COG3: variants seen among roughly 807,000 people sequenced by gnomAD.
COG3 encodes conserved oligomeric Golgi complex subunit 3.
COG3 carries 32 observed loss-of-function variants against 114.1 expected under a neutral mutation model. The ratio of observed to expected loss-of-function variants is 0.28; its 90% confidence interval spans 0.21 to 0.38. The LOEUF is 0.38. Ranked by LOEUF, COG3 falls within the 10% of genes least tolerant of loss-of-function variation. COG3 has a pLI of 1.00. For missense variants in COG3, 813 were observed against 973.2 expected (o/e 0.84, Z 2.19); for synonymous variants, 352 against 365.7 (o/e 0.96, Z 0.43).
chr13:45,524,007 A>T (rs545471165), intron 19 of COG3, among the ~76,000 whole-genome samples: 1 of 152,284 alleles, frequency 6.6e-6, no homozygotes, highest in Admixed American at 6.5e-5. Context: ...GATTTTATAC[A>T]GGTAGGCAGT....
At chr13:45,503,515 A>G (rs538348976) in intron 14 of COG3, among the ~76,000 whole-genome samples, 166 bp downstream of exon 14, 1 of 152,256 alleles carries the variant, frequency 6.6e-6, no homozygotes, top group East Asian at 1.9e-4. Context: ...GGTGAGTGAG[A>G]TGCTAATGGT....
At chr13:45,474,476 T>C (rs1393206423) in intron 1 of COG3, among the ~76,000 whole-genome samples, 1 of 152,142 alleles carries the variant, frequency 6.6e-6, no homozygotes, top group African/African-American at 2.4e-5. Context: ...TTTTTACTCC[T>C]TATAGTAACG....
At position 45,518,819 on chromosome 13, in the gene COG3, G is replaced by C; in HGVS notation, c.1988G>C (p.Ser663Thr). ...GTCCCAAGATTTTTTAGGCTGAATA[G>C]CAACAATGCCTTGATAGAGTTCTTG... Reference protein sequence around the residue: ...MTVPRFFRLNSNNALIEFLLE... With the variant: ...MTVPRFFRLNTNNALIEFLLE... Residue 663 changes from serine (S) to threonine (T), a missense_variant, in exon 18 of 23, where the codon AGC becomes ACC. Ser to Thr is a moderately conservative substitution (Grantham distance 58). Transcript: ENST00000349995. 6.2e-7 allele frequency: 1 copy of C among 1,614,044 alleles called. No homozygotes were observed. Among genetic ancestry groups the C allele is most frequent in the Non-Finnish European group, 8.5e-7 (1 of 1,179,938 alleles).
intron 19 of COG3, among the ~76,000 whole-genome samples, chr13:45,519,459 A>G (rs1264450352): frequency 6.6e-6 from 1 of 152,148 alleles, no homozygotes; most frequent in Non-Finnish European, 1.5e-5. Context: ...AGGGTTTCCT[A>G]TTCTTAAAAT....
chr13:45,475,872 G>C (rs1885825137), intron 1 of COG3, among the ~76,000 whole-genome samples: 1 of 151,852 alleles, frequency 6.6e-6, no homozygotes. Context: ...GATTGAGGTG[G>C]GAGGATGGCT....
At position 45,491,499 on chromosome 13, in the gene COG3, A is replaced by G. The variant is rs1472411583; in HGVS notation, c.1056A>G (p.Ala352=). 1.9e-6 allele frequency: 3 copies of G among 1,613,426 alleles called. No homozygotes were observed. In the Admixed American group the frequency reaches 5.0e-5, roughly 27 times the overall value. Residue 352 remains alanine (A), a synonymous_variant, in exon 10 of 23, where the codon GCA becomes GCG. Transcript: ENST00000349995. The part of the protein sequence containing the change: ...LLGPSIACTV[A]ELTSQNNRDH... ...GCCCTAGTATTGCTTGCACTGTTGC[A>G]GAGTTAACCAGCCAAAATAATAGAG... is the stretch of plus-strand genomic sequence containing the variant.
rs147147472 is a variant in COG3, at chr13:45,519,004, C to G, written c.2064C>G (p.Asp688Glu). ...AACATTATCTTGACTCTAAAAAAGA[C>G]GTAGACCGTCATCTGAAATCGGCCT... ...IREHYLDSKK[D>E]VDRHLKSACE... Residue 688 changes from aspartate (D) to glutamate (E), a missense_variant, in exon 19 of 23, where the codon GAC (aspartate) becomes GAG (glutamate). Transcript: ENST00000349995. 1.2e-6 allele frequency: 2 copies of G among 1,613,982 alleles called. No individual in the cohort carries two copies. Among genetic ancestry groups the G allele is most frequent in the African/African-American group, 2.7e-5 (2 of 74,906 alleles).
chr13:45,511,765 A>C lies in COG3; in HGVS notation c.1720A>C (p.Arg574=), dbSNP rs752461151. The C allele has an allele frequency of 6.2e-7, 1 of 1,611,374 alleles. No homozygotes were observed. Among genetic ancestry groups the C allele is most frequent in the East Asian group, 2.2e-5 (1 of 44,840 alleles). Residue 574 remains arginine (R), a splice_region_variant and synonymous_variant, in exon 16 of 23, where the codon AGG becomes CGG. Coordinates refer to ENST00000349995, the MANE Select transcript of COG3 (RefSeq NM_031431.4). ...TGATTATTCTCTTTTATTCCACCAG[A>C]GGGCAGTGTTCCAAGGATTATCACA... ...CLSKLYRCID[R]AVFQGLSQEA...
At chr13:45,475,904 A>C (rs1885827292) in intron 1 of COG3, among the ~76,000 whole-genome samples, 1 of 151,750 alleles carries the variant, frequency 6.6e-6, no homozygotes. Flanking sequence ...GGCAGAGGTT[A>C]CAGTGAGCTG....
chr13:45,473,693 T>C (rs1885668724), intron 1 of COG3, among the ~76,000 whole-genome samples: 1 of 152,238 alleles, frequency 6.6e-6, no homozygotes, highest in Non-Finnish European at 1.5e-5. Context: ...TGCTAAGTGC[T>C]TTACATGCAG....
At chr13:45,528,290 C>T (rs1378733626) in intron 20 of COG3, among the ~76,000 whole-genome samples, 1 of 152,116 alleles carries the variant, frequency 6.6e-6, no homozygotes, top group Non-Finnish European at 1.5e-5. Context: ...ACCCTACTGT[C>T]TACGGAGTAC....
At chr13:45,503,905 T>G (rs1353804855) in intron 14 of COG3, among the ~76,000 whole-genome samples, 1 of 152,148 alleles carries the variant, frequency 6.6e-6, no homozygotes, top group Non-Finnish European at 1.5e-5. Context: ...ATTTGCATTT[T>G]GTAAGCATAC....
At chr13:45,476,907 A>G (rs905138623) in intron 2 of COG3, among the ~76,000 whole-genome samples, 2 of 152,196 alleles carry the variant, frequency 1.3e-5, no homozygotes, top group African/African-American at 4.8e-5. Flanking sequence ...AATAAAACAT[A>G]AAGTACATGT....
At chr13:45,469,214 G>A (rs1361304513) in intron 1 of COG3, among the ~76,000 whole-genome samples, 1 of 152,088 alleles carries the variant, frequency 6.6e-6, no homozygotes, top group Non-Finnish European at 1.5e-5. Flanking sequence ...TATAAATTTA[G>A]AATATATTTA....
intron 20 of COG3, among the ~76,000 whole-genome samples, chr13:45,526,389 A>G (rs1293788853): frequency 6.6e-6 from 1 of 152,088 alleles, no homozygotes; most frequent in Non-Finnish European, 1.5e-5. Context: ...CCTGGCCTCA[A>G]AATTTTTAAT....
chr13:45,480,850 G>A (rs1005912799), intron 4 of COG3, among the ~76,000 whole-genome samples: 3 of 152,206 alleles, frequency 2.0e-5, no homozygotes, highest in Non-Finnish European at 4.4e-5. Flanking sequence ...ACAGGTGTGA[G>A]CCACTGCACC....
intron 17 of COG3, among the ~76,000 whole-genome samples, chr13:45,517,170 G>A (rs1202697543): frequency 6.6e-6 from 1 of 152,038 alleles, no homozygotes; most frequent in African/African-American, 2.4e-5. Flanking sequence ...GATGCCTTAA[G>A]CCATTCATTT....
intron 8 of COG3, among the ~76,000 whole-genome samples, chr13:45,486,815 G>A (rs1454797910): frequency 6.6e-6 from 1 of 152,210 alleles, no homozygotes; most frequent in Non-Finnish European, 1.5e-5. Context: ...AGATGAAGGT[G>A]ATAGACGGGT....
chr13:45,530,716 C>G lies in COG3; in HGVS notation c.2393C>G (p.Ala798Gly). 6.2e-7 allele frequency: 1 copy of G among 1,612,446 alleles called. No individual in the cohort carries two copies. ...CAGCAAGTCTTCCAGAAGTTCCACGCTCTGTTAAAGGAAGAGTTCAGCCCT... is the reference window on the plus strand; with the variant it reads ...CAGCAAGTCTTCCAGAAGTTCCACGGTCTGTTAAAGGAAGAGTTCAGCCCT... ...NIQQVFQKFH[A>G]LLKEEFSPED... Residue 798 changes from alanine (A) to glycine (G), a missense_variant, in exon 22 of 23, where the codon GCT becomes GGT. Physicochemically the swap from Ala to Gly is moderately conservative, Grantham distance 60 (BLOSUM62 0). Transcript: ENST00000349995.
Sources: gnomAD v4.1 joint callset for allele counts (sites outside exome capture counted in the v4.1 genomes callset) on GRCh38, gnomAD v4.1.1 for gene constraint, MANE v1.5 for transcripts, NCBI Gene and HGNC (gene_info 2026-07-23, HGNC 2026-07-21) for gene names.